The following COL19A1 variants were observed in gnomAD, a reference collection of about 807,000 sequenced individuals.
The protein encoded by COL19A1 is collagen alpha-1(XIX) chain.
COL19A1 carries 159 observed loss-of-function variants against 190.2 expected under a neutral mutation model. That is an observed-to-expected ratio of 0.84 (90% CI 0.73 to 0.95). The LOEUF (loss-of-function observed/expected upper bound fraction) is 0.95, where lower values mean the gene tolerates loss of function less well. Ranked by LOEUF, COL19A1 falls within the 40% of genes least tolerant of loss-of-function variation. The probability of loss-of-function intolerance (pLI) is 0.00; values close to 1 mark genes in which losing one functional copy is unlikely to be tolerated. For synonymous variants in COL19A1, 509 were observed against 458.9 expected (o/e 1.11, Z -1.39); for missense variants, 1,418 against 1,431.9 (o/e 0.99, Z 0.16).
At chr6:70,129,120 C>T (rs1785368411) in intron 17 of COL19A1, among the ~76,000 whole-genome samples, 2 of 152,186 alleles carry the variant, frequency 1.3e-5, no homozygotes, top group South Asian at 4.1e-4. Flanking sequence ...ACAAGCCTGT[C>T]CAAAGTTGAT....
At chr6:70,158,891 T>C (rs978400288) in intron 34 of COL19A1, among the ~76,000 whole-genome samples, 1 of 152,156 alleles carries the variant, frequency 6.6e-6, no homozygotes, top group Admixed American at 6.6e-5. Context: ...TATGTATTTG[T>C]CTTCTTTAAT....
intron 4 of COL19A1, among the ~76,000 whole-genome samples, chr6:69,924,870 C>T (rs372768148): frequency 5.9e-5 from 9 of 152,198 alleles, no homozygotes; most frequent in Non-Finnish European, 7.4e-5. Flanking sequence ...GTCTGTTGGC[C>T]GCATAAATGT....
At chr6:69,868,888 G>C (rs1025598928) in intron 1 of COL19A1, among the ~76,000 whole-genome samples, 3 of 152,204 alleles carry the variant, frequency 2.0e-5, no homozygotes. Context: ...AATGGTTCTA[G>C]AGGCGGAAGA....
At chr6:70,163,662 A>G (rs1787960341) in intron 36 of COL19A1, among the ~76,000 whole-genome samples, 1 of 152,198 alleles carries the variant, frequency 6.6e-6, no homozygotes, top group Non-Finnish European at 1.5e-5. Context: ...CTGGGCAACC[A>G]TCTATGTGGA....
intron 18 of COL19A1, among the ~76,000 whole-genome samples, chr6:70,137,347 C>A (rs1554213964): frequency 6.6e-6 from 1 of 151,826 alleles, no homozygotes; most frequent in Non-Finnish European, 1.5e-5. Context: ...AGATCACACA[C>A]AAAAAAAATT....
intron 19 of COL19A1, among the ~76,000 whole-genome samples, chr6:70,139,164 C>T (rs1786078575): frequency 1.3e-5 from 2 of 152,134 alleles, no homozygotes; most frequent in South Asian, 4.1e-4. Context: ...TGAACATGCA[C>T]TTGAATCCCA....
chr6:69,873,648 A>C (rs1767967253), intron 1 of COL19A1, among the ~76,000 whole-genome samples: 1 of 152,228 alleles, frequency 6.6e-6, no homozygotes, highest in Non-Finnish European at 1.5e-5. Flanking sequence ...ACTTTCAAAT[A>C]TTTAAACATA....
chr6:69,973,701 C>T (rs1263963000), intron 11 of COL19A1: 1 of 152,128 alleles, frequency 6.6e-6, no homozygotes, highest in Non-Finnish European at 1.5e-5. Context: ...TAATTTCTAA[C>T]TGTTTTTAGT....
intron 18 of COL19A1, chr6:70,131,239 C>T (rs1785502561): frequency 4.1e-6 from 1 of 241,768 alleles, no homozygotes; most frequent in Non-Finnish European, 8.6e-6. Context: ...GGGAATGTGG[C>T]CTGTGAGTGC....
chr6:69,918,017 A>G (rs2149994837), intron 4 of COL19A1, among the ~76,000 whole-genome samples: 1 of 152,266 alleles, frequency 6.6e-6, no homozygotes, highest in East Asian at 1.9e-4. Context: ...CAAGGTCTCA[A>G]TGAGCCTAGT....
At chr6:69,974,687 G>A (rs753344524) in intron 11 of COL19A1, among the ~76,000 whole-genome samples, 15 of 151,502 alleles carry the variant, frequency 9.9e-5, no homozygotes, top group South Asian at 2.1e-4. Context: ...AATTTGTTCC[G>A]TATTATTTTG....
Position 69,900,333 on chromosome 6 carries a change from C to A in COL19A1, c.261C>A (p.Asp87Glu). 6.6e-7 allele frequency: 1 copy of A among 1,514,026 alleles called. No homozygotes were observed. The highest frequency in any genetic ancestry group is 1.3e-5 in the South Asian group (1 of 76,248). The allele number at this position is 1,514,026 out of a possible 1,614,324, so 93.8% of individuals were successfully genotyped here. ...FKLGSALLIR[D>E]TIKIFPKGLP... is the part of the protein sequence containing the mutation. ...TGGGAAGTGCACTTCTTATTAGAGA[C>A]ACTATGTAAGTAAAAAATTATTTTC... Residue 87 changes from aspartate to glutamate, a missense_variant, in exon 4 of 51, where the codon GAC becomes GAA. Coordinates refer to ENST00000620364, the MANE Select transcript of COL19A1 (RefSeq NM_001858.6).
intron 41 of COL19A1, among the ~76,000 whole-genome samples, chr6:70,173,704 A>C (rs1291915915): frequency 6.6e-6 from 1 of 152,216 alleles, no homozygotes; most frequent in Non-Finnish European, 1.5e-5. Context: ...AACGAGGAAA[A>C]AAAATAGAGT....
intron 14 of COL19A1, among the ~76,000 whole-genome samples, chr6:70,061,920 T>A (rs1186673461): frequency 6.6e-6 from 1 of 152,166 alleles, no homozygotes; most frequent in Non-Finnish European, 1.5e-5. Flanking sequence ...TTTGTTTTTC[T>A]TATAAACACT....
At position 70,156,734 on chromosome 6, in the gene COL19A1, CT is replaced by C. The variant is rs1221006887; in HGVS notation, c.2292+15del. On this transcript the variant is annotated intron_variant, in intron 34 of 50. Coordinates refer to ENST00000620364, the MANE Select transcript of COL19A1 (RefSeq NM_001858.6). ...GAGAAAGGCGATGAGGTAACAGATT[CT>C]TTTCTGATTATATAGTCCTAATATT... is the stretch of plus-strand genomic sequence containing the variant. 5 of 1,603,230 alleles carry C rather than the reference CT, an allele frequency of 3.1e-6. No homozygotes were observed. The African/African-American group carries it at 6.7e-5, about 22-fold the overall frequency.
intron 49 of COL19A1, among the ~76,000 whole-genome samples, chr6:70,205,738 A>G (rs954069021): frequency 9.9e-5 from 15 of 152,266 alleles, no homozygotes; most frequent in African/African-American, 3.6e-4. Context: ...ATAAGCAGGG[A>G]TAATGACTTC....
intron 1 of COL19A1, among the ~76,000 whole-genome samples, chr6:69,874,056 G>A (rs142396545): frequency 6.6e-6 from 1 of 152,180 alleles, no homozygotes; most frequent in Admixed American, 6.5e-5. Context: ...GCTGGGACCT[G>A]TGGGGACAGG....
chr6:69,925,047 C>G (rs1443062814), intron 4 of COL19A1, among the ~76,000 whole-genome samples: 2 of 152,168 alleles, frequency 1.3e-5, no homozygotes, highest in African/African-American at 4.8e-5. Flanking sequence ...CCTGTTCACT[C>G]TGATGGTAGT....
chr6:69,929,803 C>A (rs1772637144), intron 6 of COL19A1, 103 bp downstream of exon 6: 1 of 1,069,644 alleles, frequency 9.3e-7, no homozygotes, highest in Non-Finnish European at 1.3e-6. Flanking sequence ...AGATTCCCTT[C>A]TCATCAATTT....
Sources: gnomAD v4.1 joint callset for allele counts (sites outside exome capture counted in the v4.1 genomes callset) on GRCh38, gnomAD v4.1.1 for gene constraint, MANE v1.5 for transcripts, NCBI Gene and HGNC (gene_info 2026-07-23, HGNC 2026-07-21) for gene names.